Variants in PICALM observed in about 807,000 individuals in gnomAD.
PICALM encodes phosphatidylinositol binding clathrin assembly protein.
A neutral mutation model predicts 80.5 loss-of-function variants in PICALM; 40 were observed. The ratio of observed to expected loss-of-function variants is 0.50; its 90% confidence interval spans 0.39 to 0.65. The LOEUF (loss-of-function observed/expected upper bound fraction) is 0.65. Among genes scored for constraint, PICALM ranks in the 30% least tolerant of loss-of-function variants. The pLI is 0.00. For synonymous variants in PICALM, 288 were observed against 260.3 expected (o/e 1.11, Z -1.02); for missense variants, 676 against 778.9 (o/e 0.87, Z 1.57).
chr11:86,016,636 C>A (rs1001761033), intron 4 of PICALM, among the ~76,000 whole-genome samples: 9 of 152,218 alleles, frequency 5.9e-5, no homozygotes, highest in African/African-American at 1.9e-4. Context: ...TGCCTGTACA[C>A]ACATAGCTGA....
intron 1 of PICALM, among the ~76,000 whole-genome samples, chr11:86,053,824 T>TC (rs948842147): frequency 6.6e-6 from 1 of 152,096 alleles, no homozygotes; most frequent in Non-Finnish European, 1.5e-5. Flanking sequence ...CACCTCGGCC[T>TC]CCCAAAGTTC....
chr11:85,978,565 A>C (rs1001214374), intron 17 of PICALM: 4 of 152,336 alleles, frequency 2.6e-5, no homozygotes, highest in African/African-American at 9.6e-5. Context: ...TAGAAATGTA[A>C]AGAAATGTCA....
intron 1 of PICALM, among the ~76,000 whole-genome samples, chr11:86,033,928 T>C (rs987016424): frequency 6.6e-6 from 1 of 152,210 alleles, no homozygotes; most frequent in African/African-American, 2.4e-5. Flanking sequence ...CAACCTGCTA[T>C]TCCCAAGAGG....
At chr11:86,002,842 G>T (rs1254835653) in intron 9 of PICALM, among the ~76,000 whole-genome samples, 2 of 152,104 alleles carry the variant, frequency 1.3e-5, no homozygotes, top group Admixed American at 6.6e-5. Context: ...GTGAAACCCT[G>T]TCTCTACTAA....
At chr11:85,960,132 A>C (rs2093639780) in intron 19 of PICALM, among the ~76,000 whole-genome samples, 1 of 152,230 alleles carries the variant, frequency 6.6e-6, no homozygotes, top group South Asian at 2.1e-4. Context: ...AGAGCCATAA[A>C]AATATTTTTC....
At chr11:86,029,719 AAAG>A (rs1000336289) in intron 2 of PICALM, among the ~76,000 whole-genome samples, 6 of 152,252 alleles carry the variant, frequency 3.9e-5, no homozygotes, top group African/African-American at 1.2e-4. Flanking sequence ...TCAAATAAAT[AAAG>A]AAGAAGAAGA....
chr11:85,990,748 G>A (rs2094744281), intron 12 of PICALM, among the ~76,000 whole-genome samples: 1 of 152,152 alleles, frequency 6.6e-6, no homozygotes, highest in Admixed American at 6.5e-5. Context: ...TGGTGGTATA[G>A]CTGTGTTTAC....
At chr11:85,965,635 T>C (rs2093850290) in intron 19 of PICALM, among the ~76,000 whole-genome samples, 2 of 152,072 alleles carry the variant, frequency 1.3e-5, no homozygotes, top group Middle Eastern at 3.2e-3. Flanking sequence ...AAAGACAGGA[T>C]TTCTCTACTA....
At position 85,981,216 on chromosome 11, in the gene PICALM, C is replaced by A. The variant is rs770836917; in HGVS notation, c.1692G>T (p.Trp564Cys). 1.9e-6 allele frequency: 3 copies of A among 1,572,886 alleles called. No individual in the cohort carries two copies. The highest frequency in any genetic ancestry group is 2.6e-6 in the Non-Finnish European group (3 of 1,142,554). The change falls in exon 17 of 20, where the codon TGG becomes TGT. Residue 564 changes from tryptophan (W) to cysteine (C), a missense_variant. This residue lies in a region of PICALM where 391 missense variants were observed against 383.6 expected (regional missense o/e 1.02). Coordinates refer to ENST00000393346, the MANE Select transcript of PICALM (RefSeq NM_007166.4). ...TTAACTTCTTTTCACCTGGTTGACT[C>A]CAATTTACATCACTTTAAATAAACA... ...GNGTTKNDVN[W>C]SQPGEKKLTG...
At position 86,000,783 on chromosome 11, in the gene PICALM, T is replaced by C. The variant is rs1440267236; in HGVS notation, c.1018-4A>G. 3.1e-6 allele frequency: 5 copies of C among 1,611,958 alleles called. No individual in the cohort carries two copies. Among genetic ancestry groups the C allele is most frequent in the Non-Finnish European group, 4.2e-6 (5 of 1,179,666 alleles). On this transcript the variant is annotated splice_region_variant and splice_polypyrimidine_tract_variant and intron_variant, in intron 10 of 19. Transcript: ENST00000393346. ...CAAGTTCTTTTAGGCGCTGTTCCTG[T>C]TAAGAAAGGGAACTACCATAAGGAT...
At chr11:86,036,700 C>T (rs948533445) in intron 1 of PICALM, among the ~76,000 whole-genome samples, 1 of 151,970 alleles carries the variant, frequency 6.6e-6, no homozygotes. Flanking sequence ...ATGAGGCCAA[C>T]GAATGCATGG....
At chr11:85,978,291 C>A in intron 17 of PICALM, 1 of 479,652 alleles carries the variant, frequency 2.1e-6, no homozygotes, top group South Asian at 2.9e-5. Context: ...GAATTGTAGT[C>A]TTTGGCCTCA....
intron 1 of PICALM, among the ~76,000 whole-genome samples, chr11:86,060,023 T>C (rs634719): frequency 0.79 from 120,755 of 152,134 alleles, 48,031 homozygotes; most frequent in African/African-American, 0.81. Flanking sequence ...TTCCAATCTA[T>C]TTATGGACAT....
At chr11:85,975,846 C>G (rs1043223578) in intron 18 of PICALM, among the ~76,000 whole-genome samples, 7 of 152,264 alleles carry the variant, frequency 4.6e-5, no homozygotes, top group Middle Eastern at 3.4e-3. Context: ...ATCCACCCAC[C>G]TTGGCCTCCC....
rs139401853 is a variant in PICALM, at chr11:86,040,433, C to G, written c.131-8822G>C. 3.1e-3 allele frequency among the ~76,000 whole-genome samples: 472 copies of G among 152,158 alleles called. 4 individuals are homozygous for G. Among genetic ancestry groups the G allele is most frequent in the South Asian group, 0.01 (50 of 4,820 alleles). On this transcript the variant is annotated intron_variant, in intron 1 of 19. Coordinates refer to ENST00000393346, the MANE Select transcript of PICALM (RefSeq NM_007166.4). ...CCCAGGCTAGTCTGGAACTCCTGGG[C>G]TCAAGGGATCCTTCTCCTCGGCCTC...
At chr11:86,029,843 A>C (rs929804270) in intron 2 of PICALM, among the ~76,000 whole-genome samples, 2 of 152,240 alleles carry the variant, frequency 1.3e-5, no homozygotes, top group Non-Finnish European at 2.9e-5. Context: ...GTTACATTTA[A>C]GCTAATACAG....
chr11:85,982,732 C>G (rs933237747), intron 14 of PICALM, among the ~76,000 whole-genome samples: 12 of 151,838 alleles, frequency 7.9e-5, no homozygotes, highest in Non-Finnish European at 1.6e-4. Flanking sequence ...CGGCCGAGAC[C>G]TTTTTTTTAA....
chr11:85,992,487 T>C (rs545901968), intron 12 of PICALM, among the ~76,000 whole-genome samples: 76 of 151,996 alleles, frequency 5.0e-4, no homozygotes, highest in Middle Eastern at 6.8e-3. Context: ...GGTTTCACCA[T>C]GTTGGCTAGG....
At chr11:86,024,079 C>T (rs796464656) in intron 3 of PICALM, among the ~76,000 whole-genome samples, 3 of 152,098 alleles carry the variant, frequency 2.0e-5, no homozygotes, top group African/African-American at 4.8e-5. Context: ...CAGTGAGCTA[C>T]GATCATACCA....
Sources: gnomAD v4.1 joint callset for allele counts (sites outside exome capture counted in the v4.1 genomes callset) on GRCh38, gnomAD v4.1.1 for gene constraint, gnomAD v4.1.1 regional missense constraint, MANE v1.5 for transcripts, NCBI Gene and HGNC (gene_info 2026-07-23, HGNC 2026-07-21) for gene names.